ASZ1: variants seen among roughly 807,000 people sequenced by gnomAD.
ASZ1 encodes ankyrin repeat, SAM and basic leucine zipper domain containing 1.
In ASZ1, 67 loss-of-function variants were observed where a neutral mutation model predicts 61.8. The ratio of observed to expected loss-of-function variants is 1.08; its 90% CI spans 0.89 to 1.33. The LOEUF is 1.33. Among genes scored for constraint, ASZ1 ranks in the 40% most tolerant of loss-of-function variants. The probability of loss-of-function intolerance (pLI) is 0.00; values close to 1 mark genes in which losing one functional copy is unlikely to be tolerated. For missense variants in ASZ1, 577 were observed against 554.5 expected, an observed-to-expected ratio of 1.04 and a Z score of -0.41; for synonymous variants, 193 against 192.7, an observed-to-expected ratio of 1.00 and a Z score of -0.01.
intron 4 of ASZ1, among the ~76,000 whole-genome samples, chr7:117,403,019 G>A (rs1477127388): frequency 1.3e-5 from 2 of 152,026 alleles, no homozygotes; most frequent in East Asian, 1.9e-4. Context: ...GTAGTCCATC[G>A]ACTGACATTT....
intron 5 of ASZ1, 87 bp from the exon 6 acceptor site, chr7:117,384,947 C>A: frequency 8.3e-7 from 1 of 1,209,668 alleles, no homozygotes; most frequent in Non-Finnish European, 1.1e-6. Context: ...ATTTATGACA[C>A]AATAAAAAAG....
chr7:117,367,823 A>T (rs1584715286), intron 11 of ASZ1: 1 of 989,576 alleles, frequency 1.0e-6, no homozygotes, highest in East Asian at 1.1e-4. Context: ...AATTTTCACT[A>T]AGACAAACAG....
chr7:117,391,393 G>C (rs960814549), intron 4 of ASZ1, among the ~76,000 whole-genome samples: 1 of 152,198 alleles, frequency 6.6e-6, no homozygotes, highest in Non-Finnish European at 1.5e-5. Flanking sequence ...GTAAGGTCCA[G>C]AAGAGCATTT....
At chr7:117,397,831 AT>A (rs35525886) in intron 4 of ASZ1, among the ~76,000 whole-genome samples, 38,501 of 152,198 alleles carry the variant, frequency 0.25, 5,093 homozygotes, top group Non-Finnish European at 0.28. Flanking sequence ...GGAAAGTGCC[AT>A]GGATTGGCTG....
rs528148133 is a variant in ASZ1, at chr7:117,381,186, AG to A, written c.889-120del. 4.7e-4 allele frequency: 367 copies of A among 784,414 alleles called. 3 individuals are homozygous for A. In the African/African-American group the frequency reaches 6.0e-3, roughly 13 times the overall value. 48.6% of individuals were successfully genotyped at this position (784,414 alleles called of 1,614,324 possible). On this transcript the variant is annotated intron_variant, in intron 8 of 12. Coordinates refer to ENST00000284629, the MANE Select transcript of ASZ1 (RefSeq NM_130768.3). Reference sequence around the variant, plus strand: ...TCTGAAGCAAATTCCAATTTTCTAGAGGGGACAGGATATATACATGCAGAAC... The same window carrying A: ...TCTGAAGCAAATTCCAATTTTCTAGAGGGACAGGATATATACATGCAGAAC...
Position 117,420,186 on chromosome 7 carries a change from A to G in ASZ1, c.417T>C (p.Asn139=). 2 of 1,611,254 alleles carry G rather than the reference A, an allele frequency of 1.2e-6. No homozygotes were observed. The highest frequency in any genetic ancestry group is 8.5e-7 in the Non-Finnish European group (1 of 1,179,066). ...LKCVELLLSR[N]ADPNVACRRL... ...ACCTACAAGCAACATTTGGATCAGCATTTCTTGAAAGTAGTAGTTCTACAC... is the reference window on the plus strand; with the variant it reads ...ACCTACAAGCAACATTTGGATCAGCGTTTCTTGAAAGTAGTAGTTCTACAC... Residue 139 remains asparagine (N), a synonymous_variant, in exon 4 of 13, where the codon AAT becomes AAC. Coordinates refer to ENST00000284629, the MANE Select transcript of ASZ1 (RefSeq NM_130768.3).
chr7:117,400,351 C>A (rs1469154993), intron 4 of ASZ1, among the ~76,000 whole-genome samples: 2 of 152,124 alleles, frequency 1.3e-5, no homozygotes, highest in African/African-American at 4.8e-5. Context: ...TGCCTGGAGA[C>A]ACAGTAGAAA....
rs901132305 is a variant in ASZ1, at chr7:117,427,491, C to G, written c.-31G>C. 8 of 1,609,982 alleles carry G rather than the reference C, an allele frequency of 5.0e-6. No homozygotes were observed. The highest frequency in any genetic ancestry group is 1.3e-5 in the African/African-American group (1 of 74,858). On this transcript the variant is annotated 5_prime_UTR_variant, in exon 1 of 13. Coordinates refer to ENST00000284629, the MANE Select transcript of ASZ1 (RefSeq NM_130768.3). ...CCAAGGAAGCTCCCTGTCGGCACCG[C>G]GCGCCCTTCAGCTCTCCGGGCGCAT...
rs1439119142 is a variant in ASZ1 at position 117,420,214 on chromosome 7, T to A, written c.389A>T (p.Lys130Met). ...SAHGSEEQIL[K>M]CVELLLSRNA... Reference sequence around the variant, plus strand: ...TCTTGAAAGTAGTAGTTCTACACACTTCAAGATCTGTTCCTCTGAGCCATG... The same window carrying A: ...TCTTGAAAGTAGTAGTTCTACACACATCAAGATCTGTTCCTCTGAGCCATG... Residue 130 changes from lysine (K) to methionine (M), a missense_variant, in exon 4 of 13, where the codon AAG becomes ATG. Coordinates refer to ENST00000284629, the MANE Select transcript of ASZ1 (RefSeq NM_130768.3). 4 of 1,612,696 alleles carry A rather than the reference T, an allele frequency of 2.5e-6. No homozygotes were observed. The Admixed American group carries it at 6.7e-5, about 27-fold the overall frequency.
intron 4 of ASZ1, among the ~76,000 whole-genome samples, chr7:117,419,660 A>T (rs1797062718): frequency 6.6e-6 from 1 of 152,228 alleles, no homozygotes; most frequent in African/African-American, 2.4e-5. Context: ...ATTTCAAAAG[A>T]TGCAAGATAC....
chr7:117,389,214 G>C (rs1010827218), intron 4 of ASZ1, among the ~76,000 whole-genome samples: 3 of 151,506 alleles, frequency 2.0e-5, no homozygotes, highest in African/African-American at 7.3e-5. Flanking sequence ...CGTTAAGGTT[G>C]GTTAATGGGT....
At chr7:117,426,015 T>C (rs1299242134) in intron 2 of ASZ1, among the ~76,000 whole-genome samples, 1 of 151,576 alleles carries the variant, frequency 6.6e-6, no homozygotes, top group Non-Finnish European at 1.5e-5. Flanking sequence ...CCCCCAAAAA[T>C]GAAATCTGAT....
At chr7:117,402,995 G>A (rs1236125157) in intron 4 of ASZ1, among the ~76,000 whole-genome samples, 1 of 152,056 alleles carries the variant, frequency 6.6e-6, no homozygotes, top group African/African-American at 2.4e-5. Flanking sequence ...TGGAAAACAT[G>A]TACCCTCTCC....
rs745397312 is a variant in ASZ1 at position 117,363,686 on chromosome 7, C to T, written c.1338G>A (p.Trp446Ter). ...CTGTCCTCTTCAAAATTCTACTATT[C>T]CATGTAGATACTTCTTCCCTTAATT... ...HIQLREEVST[W>*]NSRILKRTAI... Residue 446 changes from tryptophan to a stop codon, truncating the protein, a stop_gained, in exon 13 of 13, where the codon TGG becomes TGA. Coordinates refer to ENST00000284629, the MANE Select transcript of ASZ1 (RefSeq NM_130768.3). LOFTEE classifies it high-confidence loss of function. The T allele has an allele frequency of 1.9e-6, 3 of 1,606,964 alleles. No individual in the cohort carries two copies. Among genetic ancestry groups the T allele is most frequent in the Non-Finnish European group, 2.6e-6 (3 of 1,175,750 alleles).
At chr7:117,379,196 A>ACAG (rs1796205096) in intron 10 of ASZ1, among the ~76,000 whole-genome samples, 1 of 120,932 alleles carries the variant, frequency 8.3e-6, no homozygotes, top group Non-Finnish European at 1.7e-5. Flanking sequence ...CACACACACA[A>ACAG]ATGAGTGCAT....
rs529365099 is a variant in ASZ1 at position 117,410,751 on chromosome 7, A to T, written c.440+9412T>A. Among the ~76,000 whole-genome samples the T allele has an allele frequency of 5.1e-3, 781 of 151,870 alleles. 8 individuals carry two copies. Among genetic ancestry groups the T allele is most frequent in the African/African-American group, 0.018 (740 of 41,550 alleles). On this transcript the variant is annotated intron_variant, in intron 4 of 12. Transcript: ENST00000284629. ...TCCTAAAAGATGTAAGAGGAAAAAA[A>T]AAATCACATTTTTAAATGAAAGCAA...
At chr7:117,382,596 T>G (rs1796276377) in intron 7 of ASZ1, among the ~76,000 whole-genome samples, 1 of 152,084 alleles carries the variant, frequency 6.6e-6, no homozygotes, top group Non-Finnish European at 1.5e-5. Context: ...AGAGAATTAT[T>G]TTTGGCCATG....
At chr7:117,367,997 T>C in intron 11 of ASZ1, 1 of 544,482 alleles carries the variant, frequency 1.8e-6, no homozygotes, top group Non-Finnish European at 2.3e-6. Context: ...TCCTCCTGCC[T>C]CAGCCTCCTG....
chr7:117,373,064 G>C (rs1796076942), intron 10 of ASZ1, among the ~76,000 whole-genome samples: 1 of 152,078 alleles, frequency 6.6e-6, no homozygotes, highest in Non-Finnish European at 1.5e-5. Flanking sequence ...TTGGGGTGGA[G>C]CTGTTTCCTT....
Sources: gnomAD v4.1 joint callset for allele counts (sites outside exome capture counted in the v4.1 genomes callset) on GRCh38, gnomAD v4.1.1 for gene constraint, MANE v1.5 for transcripts, NCBI Gene and HGNC (gene_info 2026-07-23, HGNC 2026-07-21) for gene names.